Variants in NIFK observed in about 807,000 individuals in gnomAD.
NIFK encodes the protein MKI67 FHA domain-interacting nucleolar phosphoprotein.
A neutral mutation model predicts 31.7 loss-of-function variants in NIFK; 16 were observed. The observed-to-expected ratio is 0.50, with a 90% CI of 0.34 to 0.77. The LOEUF is 0.77. Ranked by LOEUF, NIFK falls within the 30% of genes least tolerant of loss-of-function variation. The pLI, the probability that NIFK is intolerant of heterozygous loss-of-function variation, is 0.01. For synonymous variants in NIFK, 126 were observed against 123.0 expected (o/e 1.02, Z -0.16); for missense variants, 341 against 350.4 (o/e 0.97, Z 0.21).
Position 121,729,322 on chromosome 2 carries a change from A to C in NIFK, c.565-786T>G, listed in dbSNP as rs970143880. Among the ~76,000 whole-genome samples the C allele has an allele frequency of 2.7e-5, 4 of 148,032 alleles. No homozygotes were observed. In the Admixed American group the frequency reaches 2.7e-4, roughly 10 times the overall value. ...GGCGGAGGTTGCAGTGAGCTGAGAT[A>C]GTGCCACTGCACTCCAGCCTGGGCA... is the stretch of plus-strand genomic sequence containing the variant. On this transcript the variant is annotated intron_variant, in intron 4 of 6. Transcript: ENST00000285814.
At chr2:121,728,035 CTTTTGG>C in intron 6 of NIFK, 123 bp from the exon 7 acceptor site, 1 of 929,620 alleles carries the variant, frequency 1.1e-6, no homozygotes, top group Non-Finnish European at 1.6e-6. Flanking sequence ...CTGTTACCAT[CTTTTGG>C]TGATACTATT....
At position 121,727,650 on chromosome 2, in the gene NIFK, T is replaced by C. The variant is rs1350495486; in HGVS notation, c.*74A>G. 1 of 1,117,928 alleles carries C rather than the reference T, an allele frequency of 8.9e-7. No homozygotes were observed. Among genetic ancestry groups the C allele is most frequent in the Non-Finnish European group, 1.3e-6 (1 of 759,314 alleles). 69.3% of individuals were successfully genotyped at this position (1,117,928 alleles called of 1,614,324 possible). On this transcript the variant is annotated 3_prime_UTR_variant, in exon 7 of 7. Transcript: ENST00000285814. The stretch of plus-strand genomic sequence containing the variant: ...AATCTTGTCAAAGGTTGTATTCCAT[T>C]GTACCTAGTGAAATACAAAGTCCAC...
At position 121,727,484 on chromosome 2, in the gene NIFK, A is replaced by G. The variant is rs1184413974; in HGVS notation, c.*240T>C. On this transcript the variant is annotated 3_prime_UTR_variant, in exon 7 of 7. Transcript: ENST00000285814. ...GAGAGCTATGAAATATCAAAAGAAAACTAGAGGCCAGGACAAAGAGGCAAT... is the reference window on the plus strand; with the variant it reads ...GAGAGCTATGAAATATCAAAAGAAAGCTAGAGGCCAGGACAAAGAGGCAAT... The G allele has an allele frequency of 3.0e-6, 2 of 664,950 alleles. No individual in the cohort carries two copies. The highest frequency in any genetic ancestry group is 2.1e-5 in the Admixed American group (1 of 48,434). 41.2% of individuals were successfully genotyped at this position (664,950 alleles called of 1,614,324 possible).
rs759444894 is a variant in NIFK at position 121,727,925 on chromosome 2, A to G, written c.694-13T>C. 3 of 1,574,400 alleles carry G rather than the reference A, an allele frequency of 1.9e-6. No homozygotes were observed. The highest frequency in any genetic ancestry group is 1.4e-5 in the African/African-American group (1 of 72,390). On this transcript the variant is annotated splice_polypyrimidine_tract_variant and intron_variant, in intron 6 of 6. Transcript: ENST00000285814. Reference sequence around the variant, plus strand: ...CTGGTGTGGGGCCCTGGATTCAACAAGTAAAGATTATAATACATAAATGTA... The same window carrying G: ...CTGGTGTGGGGCCCTGGATTCAACAGGTAAAGATTATAATACATAAATGTA...
intron 2 of NIFK, among the ~76,000 whole-genome samples, chr2:121,735,312 C>T (rs1230602543): frequency 6.6e-6 from 1 of 152,172 alleles, no homozygotes; most frequent in Admixed American, 6.5e-5. Context: ...TAAACCTTTG[C>T]TATTATAAGG....
chr2:121,731,386 C>T (rs2074538446), intron 3 of NIFK, among the ~76,000 whole-genome samples: 1 of 152,168 alleles, frequency 6.6e-6, no homozygotes, highest in South Asian at 2.1e-4. Context: ...GACAGGGATG[C>T]TCTCTGCACC....
At position 121,735,770 on chromosome 2, in the gene NIFK, GT is replaced by G; in HGVS notation, c.106-21del. On this transcript the variant is annotated intron_variant, in intron 1 of 6. Coordinates refer to ENST00000285814, the MANE Select transcript of NIFK (RefSeq NM_032390.5). The stretch of plus-strand genomic sequence containing the variant: ...TTTTCGCTAAAGACGTAAAGACCAG[GT>G]AAATTAAATATATAAATAAGAAAAT... 1 of 1,597,066 alleles carries G rather than the reference GT, an allele frequency of 6.3e-7. No individual in the cohort carries two copies. Among genetic ancestry groups the G allele is most frequent in the Non-Finnish European group, 8.5e-7 (1 of 1,171,766 alleles).
intron 3 of NIFK, among the ~76,000 whole-genome samples, chr2:121,731,686 G>A (rs113148939): frequency 1.0e-3 from 152 of 152,220 alleles, no homozygotes; most frequent in Non-Finnish European, 1.7e-3. Flanking sequence ...CAGCTGAATG[G>A]TTAGGCATCA....
In NIFK at chr2:121,735,769, G is replaced by C; in HGVS notation, c.106-19C>G. 1 of 1,597,516 alleles carries C rather than the reference G, an allele frequency of 6.3e-7. No individual in the cohort carries two copies. The highest frequency in any genetic ancestry group is 1.1e-5 in the South Asian group (1 of 88,580). ...TTTTTCGCTAAAGACGTAAAGACCA[G>C]GTAAATTAAATATATAAATAAGAAA... is the stretch of plus-strand genomic sequence containing the variant. On this transcript the variant is annotated intron_variant, in intron 1 of 6. Transcript: ENST00000285814.
At chr2:121,732,486 A>G (rs943819860) in intron 2 of NIFK, among the ~76,000 whole-genome samples, 2 of 152,106 alleles carry the variant, frequency 1.3e-5, no homozygotes, top group African/African-American at 2.4e-5. Context: ...CAGTAACAAC[A>G]CTCCGTGATA....
chr2:121,736,779 C>G lies in NIFK; in HGVS notation c.72G>C (p.Lys24Asn), dbSNP rs938789584. The change falls in exon 1 of 7, where the codon AAG becomes AAC. Residue 24 changes from lysine (K) to asparagine (N), a missense_variant. Transcript: ENST00000285814. ...TGCGCTTGCGAACCTGCGCCACCTC[C>G]TTTTGAAACTCGACATCTTCCTGCG... ...LNPQEDVEFQ[K>N]EVAQVRKRIT... 1.9e-6 allele frequency: 3 copies of G among 1,614,056 alleles called. No homozygotes were observed. Among genetic ancestry groups the G allele is most frequent in the Non-Finnish European group, 2.5e-6 (3 of 1,179,998 alleles).
Position 121,727,538 on chromosome 2 carries a change from C to T in NIFK, c.*186G>A. 1.4e-6 allele frequency: 1 copy of T among 711,776 alleles called. No homozygotes were observed. The highest frequency in any genetic ancestry group is 2.6e-6 in the Non-Finnish European group (1 of 383,922). The allele number at this position is 711,776 out of a possible 1,614,324, so 44.1% of individuals were successfully genotyped here. A position where few individuals can be genotyped will look rare whatever the true frequency, so the allele number is the denominator to read the frequency against. On this transcript the variant is annotated 3_prime_UTR_variant, in exon 7 of 7. Coordinates refer to ENST00000285814, the MANE Select transcript of NIFK (RefSeq NM_032390.5). ...AGCCAAGCCACTGCAAGATGGTATG[C>T]ACCCCTGTATTTCAGCCAAGGGCAG...
intron 2 of NIFK, among the ~76,000 whole-genome samples, chr2:121,734,871 G>C (rs1349250990): frequency 1.3e-5 from 2 of 152,180 alleles, no homozygotes; most frequent in Admixed American, 6.6e-5. Context: ...GTACAAAAGG[G>C]ACCTCAATTC....
At chr2:121,732,960 T>C (rs1559906108) in intron 2 of NIFK, among the ~76,000 whole-genome samples, 1 of 151,860 alleles carries the variant, frequency 6.6e-6, no homozygotes, top group African/African-American at 2.4e-5. Context: ...CATGTACCTG[T>C]AATCCCAGCT....
intron 2 of NIFK, among the ~76,000 whole-genome samples, chr2:121,734,242 G>A (rs2074563848): frequency 6.6e-6 from 1 of 152,048 alleles, no homozygotes; most frequent in Non-Finnish European, 1.5e-5. Context: ...GTTGCAGTGA[G>A]CCGAGATCGC....
At chr2:121,733,636 G>C (rs1427709713) in intron 2 of NIFK, among the ~76,000 whole-genome samples, 2 of 152,022 alleles carry the variant, frequency 1.3e-5, no homozygotes, top group Admixed American at 1.3e-4. Context: ...CTGAGGAACT[G>C]TGCCACTGCA....
Position 121,730,886 on chromosome 2 carries a change from T to C in NIFK, c.564+7A>G. On this transcript the variant is annotated splice_region_variant and intron_variant, in intron 4 of 6. Transcript: ENST00000285814. The stretch of plus-strand genomic sequence containing the variant: ...CAAACCACAAAAAAGATTTCACGAA[T>C]ATTTACCAAAGAAGGAAAATCATAG... The C allele has an allele frequency of 6.3e-7, 1 of 1,590,566 alleles. No homozygotes were observed. The highest frequency in any genetic ancestry group is 8.6e-7 in the Non-Finnish European group (1 of 1,158,586).
At chr2:121,730,228 A>C (rs1052287696) in intron 4 of NIFK, among the ~76,000 whole-genome samples, 5 of 151,906 alleles carry the variant, frequency 3.3e-5, no homozygotes, top group Non-Finnish European at 7.4e-5. Flanking sequence ...AAAAAACAAA[A>C]CAAAACAAAA....
chr2:121,731,679 C>A (rs1422913547), intron 3 of NIFK, among the ~76,000 whole-genome samples: 1 of 152,190 alleles, frequency 6.6e-6, no homozygotes, highest in East Asian at 1.9e-4. Flanking sequence ...TCTCTCACAG[C>A]TGAATGGTTA....
Sources: gnomAD v4.1 joint callset for allele counts (sites outside exome capture counted in the v4.1 genomes callset) on GRCh38, gnomAD v4.1.1 for gene constraint, MANE v1.5 for transcripts, NCBI Gene and HGNC (gene_info 2026-07-23, HGNC 2026-07-21) for gene names.